Variants in KDM4C observed in about 807,000 individuals in gnomAD.
KDM4C encodes lysine demethylase 4C.
In KDM4C, 81 loss-of-function variants were observed where a neutral mutation model predicts 129.3. The ratio of observed to expected loss-of-function variants is 0.63; its 90% CI spans 0.52 to 0.75. KDM4C has a LOEUF of 0.75. Ranked by LOEUF, KDM4C falls within the 30% of genes least tolerant of loss-of-function variation. The pLI, the probability that KDM4C is intolerant of heterozygous loss-of-function variation, is 0.00. For missense variants in KDM4C, 1,457 were observed against 1,304.0 expected (o/e 1.12, Z -1.81); for synonymous variants, 573 against 456.1 (o/e 1.26, Z -3.26).
intron 5 of KDM4C, among the ~76,000 whole-genome samples, chr9:6,862,748 A>T (rs532033599): frequency 6.6e-6 from 1 of 152,228 alleles, no homozygotes; most frequent in Non-Finnish European, 1.5e-5. Context: ...AGGAGGATGC[A>T]GTGAGCCGAG....
intron 19 of KDM4C, among the ~76,000 whole-genome samples, chr9:7,137,215 G>C (rs1204267840): frequency 6.6e-6 from 1 of 152,216 alleles, no homozygotes; most frequent in Non-Finnish European, 1.5e-5. Flanking sequence ...CCTGAGAGCA[G>C]AACTGTTGGG....
chr9:6,976,557 A>T (rs1461358306), intron 8 of KDM4C, among the ~76,000 whole-genome samples: 1 of 152,152 alleles, frequency 6.6e-6, no homozygotes, highest in Non-Finnish European at 1.5e-5. Flanking sequence ...TTTATACCTT[A>T]TATATTGGGG....
Position 6,987,485 on chromosome 9 carries a change from G to T in KDM4C, c.1677+819G>T, listed in dbSNP as rs144663797. ...TCAGAATTCAGTACTTTTTTTTGATGTATCCAGCCTGATTAGGGAATTCAG... is the reference window on the plus strand; with the variant it reads ...TCAGAATTCAGTACTTTTTTTTGATTTATCCAGCCTGATTAGGGAATTCAG... On this transcript the variant is annotated intron_variant, in intron 11 of 21. Transcript: ENST00000381309. 3.0e-3 allele frequency among the ~76,000 whole-genome samples: 450 copies of T among 152,132 alleles called. 4 individuals carry two copies. The highest frequency in any genetic ancestry group is 9.4e-3 in the African/African-American group (389 of 41,502).
chr9:7,086,928 A>G (rs1002968816), intron 17 of KDM4C, among the ~76,000 whole-genome samples: 1 of 152,078 alleles, frequency 6.6e-6, no homozygotes, highest in Non-Finnish European at 1.5e-5. Context: ...TCTGCCATCT[A>G]TCTGTGATCC....
At chr9:6,855,130 C>T (rs965382946) in intron 5 of KDM4C, among the ~76,000 whole-genome samples, 2 of 152,114 alleles carry the variant, frequency 1.3e-5, no homozygotes, top group Admixed American at 6.5e-5. Flanking sequence ...GTGTTTTAAA[C>T]ATGAACTTCA....
intron 6 of KDM4C, among the ~76,000 whole-genome samples, chr9:6,886,961 G>A (rs1272494766): frequency 1.3e-5 from 2 of 152,216 alleles, no homozygotes; most frequent in Non-Finnish European, 2.9e-5. Flanking sequence ...GAGATCCACA[G>A]AGTTAGATGT....
At chr9:6,790,497 G>T (rs1180235655) in intron 1 of KDM4C, among the ~76,000 whole-genome samples, 1 of 150,424 alleles carries the variant, frequency 6.6e-6, no homozygotes, top group Non-Finnish European at 1.5e-5. Flanking sequence ...CAACTGATCC[G>T]CCCGCCTCGG....
At chr9:6,908,724 T>C (rs1417607257) in intron 8 of KDM4C, among the ~76,000 whole-genome samples, 1 of 152,044 alleles carries the variant, frequency 6.6e-6, no homozygotes, top group African/African-American at 2.4e-5. Flanking sequence ...ATTAAGTAGA[T>C]TTTAGTGGTA....
intron 17 of KDM4C, chr9:7,076,901 A>G (rs1833987605): frequency 3.0e-6 from 3 of 988,038 alleles, no homozygotes; most frequent in Admixed American, 1.2e-4. Flanking sequence ...TGTCTCCTGT[A>G]GCATGGAGGC....
At chr9:7,024,087 A>G (rs913262317) in intron 15 of KDM4C, among the ~76,000 whole-genome samples, 4 of 152,202 alleles carry the variant, frequency 2.6e-5, no homozygotes, top group African/African-American at 7.2e-5. Flanking sequence ...GTGCAGAGGA[A>G]AAGAATGTGT....
At chr9:6,896,490 A>G (rs185733857) in intron 8 of KDM4C, among the ~76,000 whole-genome samples, 1 of 149,462 alleles carries the variant, frequency 6.7e-6, no homozygotes, top group East Asian at 1.9e-4. Flanking sequence ...TATATATATA[A>G]AAATATAATT....
chr9:6,954,998 C>CT (rs1485116677), intron 8 of KDM4C, among the ~76,000 whole-genome samples: 3 of 152,172 alleles, frequency 2.0e-5, no homozygotes, highest in African/African-American at 2.4e-5. Context: ...AGTGGGAACT[C>CT]TTTATTAGTT....
At chr9:6,936,463 T>A (rs67642242) in intron 8 of KDM4C, among the ~76,000 whole-genome samples, 38,946 of 152,182 alleles carry the variant, frequency 0.26, 5,436 homozygotes, top group South Asian at 0.4. Flanking sequence ...AATATTTCAT[T>A]TTTTCACTTT....
Position 6,758,218 on chromosome 9 carries a change from G to A in KDM4C, c.-18+15G>A. The A allele has an allele frequency of 1.0e-6, 1 of 985,386 alleles. No individual in the cohort carries two copies. The highest frequency in any genetic ancestry group is 1.2e-6 in the Non-Finnish European group (1 of 829,868). The allele number at this position is 985,386 out of a possible 1,614,324, so 61.0% of individuals were successfully genotyped here. A position where few individuals can be genotyped will look rare whatever the true frequency, so the allele number is the denominator to read the frequency against. ...CCGCGCGCCAGGTAACCGCTTTTCCGGAGTCTGGGGGCCAGGGCGGGGGGA... is the reference window on the plus strand; with the variant it reads ...CCGCGCGCCAGGTAACCGCTTTTCCAGAGTCTGGGGGCCAGGGCGGGGGGA... On this transcript the variant is annotated intron_variant, in intron 1 of 21. Coordinates refer to ENST00000381309, the MANE Select transcript of KDM4C (RefSeq NM_015061.6). The surrounding 1 kb of genome is among the most constrained non-coding windows in gnomAD (Gnocchi z 4.6).
intron 1 of KDM4C, among the ~76,000 whole-genome samples, chr9:6,782,414 G>C (rs1824550391): frequency 6.6e-6 from 1 of 152,174 alleles, no homozygotes; most frequent in Non-Finnish European, 1.5e-5. Flanking sequence ...TTGGGACCTT[G>C]AGCAAGCATT....
rs1472906842 is a variant in KDM4C at position 6,986,527 on chromosome 9, C to T, written c.1538C>T (p.Ser513Leu). 1 of 1,614,092 alleles carries T rather than the reference C, an allele frequency of 6.2e-7. No individual in the cohort carries two copies. Among genetic ancestry groups the T allele is most frequent in the East Asian group, 2.2e-5 (1 of 44,870 alleles). The part of the protein sequence containing the change: ...SELSWPKSPE[S>L]CSSVAESNGV... ...CTTTCATGGCCAAAGTCACCTGAGT[C>T]ATGCTCATCAGTGGCAGAGAGTAAT... Residue 513 changes from serine to leucine, a missense_variant, in exon 11 of 22, where the codon TCA (serine) becomes TTA (leucine). Coordinates refer to ENST00000381309, the MANE Select transcript of KDM4C (RefSeq NM_015061.6).
chr9:7,049,274 C>T, intron 17 of KDM4C, 74 bp downstream of exon 17: 1 of 722,486 alleles, frequency 1.4e-6, no homozygotes, highest in Non-Finnish European at 2.4e-6. Context: ...CATTAATGCA[C>T]ACATTCCCAA....
At chr9:6,813,066 T>A (rs542049876) in intron 3 of KDM4C, among the ~76,000 whole-genome samples, 78 of 152,062 alleles carry the variant, frequency 5.1e-4, no homozygotes, top group Non-Finnish European at 9.7e-4. Flanking sequence ...TCCCAGCTAC[T>A]GGGGAGGCTG....
intron 8 of KDM4C, among the ~76,000 whole-genome samples, chr9:6,958,745 C>A (rs1829538405): frequency 7.0e-6 from 1 of 141,980 alleles, no homozygotes; most frequent in Non-Finnish European, 1.5e-5. Context: ...AGTGCAGTGG[C>A]ATGTTCATGG....
Sources: gnomAD v4.1 joint callset for allele counts (sites outside exome capture counted in the v4.1 genomes callset) on GRCh38, gnomAD v4.1.1 for gene constraint, Gnocchi (gnomAD v3.1) non-coding constraint, MANE v1.5 for transcripts, NCBI Gene and HGNC (gene_info 2026-07-23, HGNC 2026-07-21) for gene names.